GPC6: variants seen among roughly 807,000 people sequenced by gnomAD.
GPC6 encodes the protein glypican-6.
Under a neutral mutation model 55.2 loss-of-function variants are expected in GPC6, and 14 were observed. The observed-to-expected ratio is 0.25, with a 90% CI of 0.17 to 0.40. The LOEUF is 0.40. GPC6 is among the 10% of genes least tolerant of loss of function. GPC6 has a pLI of 1.00. For synonymous variants in GPC6, 278 were observed against 259.6 expected, an observed-to-expected ratio of 1.07 and a Z score of -0.68; for missense variants, 641 against 708.5, an observed-to-expected ratio of 0.90 and a Z score of 1.08.
intron 2 of GPC6, among the ~76,000 whole-genome samples, chr13:93,798,334 A>T (rs147094967): frequency 4.6e-5 from 7 of 152,330 alleles, no homozygotes; most frequent in African/African-American, 1.7e-4. Context: ...TATAAATGAC[A>T]TGAAGTATTT....
At chr13:93,246,978 C>A (rs1876624653) in intron 1 of GPC6, among the ~76,000 whole-genome samples, 1 of 150,316 alleles carries the variant, frequency 6.7e-6, no homozygotes, top group Admixed American at 6.6e-5. Flanking sequence ...TTTAAAATTT[C>A]TGGTAATTTG....
At chr13:94,338,787 G>T (rs1054814276) in intron 6 of GPC6, among the ~76,000 whole-genome samples, 1 of 152,182 alleles carries the variant, frequency 6.6e-6, no homozygotes, top group African/African-American at 2.4e-5. Context: ...CTCGAGGAGA[G>T]CCCAGGCAGG....
chr13:93,707,125 T>A (rs1245351992), intron 2 of GPC6, among the ~76,000 whole-genome samples: 2 of 151,782 alleles, frequency 1.3e-5, no homozygotes, highest in African/African-American at 4.8e-5. Flanking sequence ...ATTTCAAATT[T>A]AAAAAAATCT....
intron 2 of GPC6, among the ~76,000 whole-genome samples, chr13:93,573,855 T>G (rs1473930496): frequency 6.6e-6 from 1 of 152,206 alleles, no homozygotes; most frequent in Non-Finnish European, 1.5e-5. Context: ...CTCATCCATT[T>G]CTACAGCAAA....
chr13:93,381,886 C>G (rs1021506054), intron 1 of GPC6, among the ~76,000 whole-genome samples: 2 of 152,066 alleles, frequency 1.3e-5, no homozygotes, highest in African/African-American at 4.8e-5. Flanking sequence ...GACTACTTAC[C>G]AGTCATAATT....
chr13:94,195,706 G>A (rs2138968561), intron 4 of GPC6, among the ~76,000 whole-genome samples: 1 of 152,320 alleles, frequency 6.6e-6, no homozygotes, highest in Admixed American at 6.5e-5. Flanking sequence ...AGACTTAGGG[G>A]TGTGCAAATG....
intron 4 of GPC6, among the ~76,000 whole-genome samples, chr13:94,132,189 A>T (rs1887026536): frequency 6.6e-6 from 1 of 152,158 alleles, no homozygotes; most frequent in Non-Finnish European, 1.5e-5. Flanking sequence ...GCTACCACAG[A>T]ATTGATGGCA....
chr13:93,631,550 C>G (rs991172994), intron 2 of GPC6, among the ~76,000 whole-genome samples: 2 of 152,248 alleles, frequency 1.3e-5, no homozygotes, highest in African/African-American at 2.4e-5. Context: ...TATGTCTCAT[C>G]TGAACATTAG....
At chr13:93,891,472 A>T (rs1875677607) in intron 3 of GPC6, among the ~76,000 whole-genome samples, 1 of 152,130 alleles carries the variant, frequency 6.6e-6, no homozygotes, top group African/African-American at 2.4e-5. Context: ...CATCAGAGAA[A>T]GATTTGCTCA....
chr13:93,284,321 A>G (rs911593925), intron 1 of GPC6, among the ~76,000 whole-genome samples: 2 of 152,212 alleles, frequency 1.3e-5, no homozygotes, highest in African/African-American at 2.4e-5. Context: ...TGTCTTACAA[A>G]TAGGGTTTAT....
At chr13:93,944,233 T>C (rs1301224775) in intron 3 of GPC6, among the ~76,000 whole-genome samples, 2 of 151,908 alleles carry the variant, frequency 1.3e-5, no homozygotes, top group African/African-American at 2.4e-5. Flanking sequence ...TGACGGAGTC[T>C]TGCTCTGTCG....
At chr13:94,080,538 G>T (rs1051274742) in intron 4 of GPC6, among the ~76,000 whole-genome samples, 2 of 151,958 alleles carry the variant, frequency 1.3e-5, no homozygotes, top group Admixed American at 1.3e-4. Context: ...TCATTCTAAG[G>T]GTATGTTTAA....
intron 6 of GPC6, among the ~76,000 whole-genome samples, chr13:94,361,310 C>T (rs1291187529): frequency 2.0e-5 from 3 of 152,186 alleles, no homozygotes; most frequent in African/African-American, 7.2e-5. Context: ...TTGCACAAGG[C>T]CCAGTGTTTA....
intron 1 of GPC6, among the ~76,000 whole-genome samples, chr13:93,262,105 T>G (rs1877169742): frequency 6.6e-6 from 1 of 152,122 alleles, no homozygotes; most frequent in Non-Finnish European, 1.5e-5. Flanking sequence ...CCCTTAGCTT[T>G]TCACACTTTT....
chr13:93,767,080 A>C (rs1372927060), intron 2 of GPC6, among the ~76,000 whole-genome samples: 1 of 152,158 alleles, frequency 6.6e-6, no homozygotes, highest in African/African-American at 2.4e-5. Flanking sequence ...TTTAACATTA[A>C]TCTTCAGTGA....
intron 2 of GPC6, among the ~76,000 whole-genome samples, chr13:93,615,061 A>G (rs1259186181): frequency 1.3e-5 from 2 of 152,290 alleles, no homozygotes; most frequent in Non-Finnish European, 2.9e-5. Flanking sequence ...CAGAACAAAG[A>G]TTCAGATGTT....
intron 5 of GPC6, among the ~76,000 whole-genome samples, chr13:94,302,719 T>C (rs1235284748): frequency 6.6e-6 from 1 of 152,208 alleles, no homozygotes; most frequent in Non-Finnish European, 1.5e-5. Context: ...ACTTCTGTAA[T>C]GGAGGGGTCC....
At chr13:93,313,620 T>C (rs920814961) in intron 1 of GPC6, among the ~76,000 whole-genome samples, 1 of 152,166 alleles carries the variant, frequency 6.6e-6, no homozygotes, top group African/African-American at 2.4e-5. Flanking sequence ...GTGTATACCC[T>C]CTATACATTT....
chr13:93,417,651 ATC>A (rs1437862709), intron 1 of GPC6, among the ~76,000 whole-genome samples: 6 of 152,110 alleles, frequency 3.9e-5, no homozygotes, highest in Non-Finnish European at 5.9e-5. Flanking sequence ...TTTAAACAAA[ATC>A]AAAGAGAGAA....
Sources: allele counts gnomAD v4.1 joint callset (sites outside exome capture counted in the v4.1 genomes callset), GRCh38; gene constraint gnomAD v4.1.1; transcripts MANE v1.5; gene names NCBI Gene and HGNC (gene_info 2026-07-23, HGNC 2026-07-21).